ERG: variants seen among roughly 807,000 people sequenced by gnomAD.
The protein encoded by ERG is transcriptional regulator ERG.
Under a neutral mutation model 55.3 loss-of-function variants are expected in ERG, and 9 were observed. That is an observed-to-expected ratio of 0.16 (90% confidence interval 0.10 to 0.28). The LOEUF (loss-of-function observed/expected upper bound fraction) is 0.28. Among genes scored for constraint, ERG ranks in the 10% least tolerant of loss-of-function variants. The pLI, the probability that ERG is intolerant of heterozygous loss-of-function variation, is 1.00. For missense variants in ERG, 434 were observed against 631.6 expected, an observed-to-expected ratio of 0.69 and a Z score of 3.35; for synonymous variants, 223 against 237.3, an observed-to-expected ratio of 0.94 and a Z score of 0.55.
At chr21:38,597,690 G>T (rs115383153) in intron 1 of ERG, among the ~76,000 whole-genome samples, 1,830 of 152,186 alleles carry the variant, frequency 0.012, 32 homozygotes, top group African/African-American at 0.041. Flanking sequence ...GACAGCTGAG[G>T]CATCTTCCAA....
intron 1 of ERG, among the ~76,000 whole-genome samples, chr21:38,657,602 C>T (rs1373240296): frequency 6.6e-6 from 1 of 152,084 alleles, no homozygotes; most frequent in Non-Finnish European, 1.5e-5. Flanking sequence ...AAAGATGCCC[C>T]TTTTAACTTT....
At chr21:38,647,478 C>A (rs994927194) in intron 1 of ERG, among the ~76,000 whole-genome samples, 4 of 151,816 alleles carry the variant, frequency 2.6e-5, no homozygotes, top group African/African-American at 9.7e-5. Flanking sequence ...ATGTATAATG[C>A]AAAGTACTAA....
At chr21:38,565,123 C>T (rs1255157740) in intron 2 of ERG, among the ~76,000 whole-genome samples, 1 of 152,198 alleles carries the variant, frequency 6.6e-6, no homozygotes, top group East Asian at 1.9e-4. Context: ...GACTCTCCTA[C>T]ACTGCATATC....
chr21:38,555,948 T>C (rs1002180159), intron 2 of ERG, among the ~76,000 whole-genome samples: 3 of 152,220 alleles, frequency 2.0e-5, no homozygotes, highest in Non-Finnish European at 4.4e-5. Flanking sequence ...ATTCTACTTA[T>C]ATGATTAGAA....
chr21:38,388,844 G>C (rs1311904638), intron 9 of ERG, among the ~76,000 whole-genome samples: 1 of 152,170 alleles, frequency 6.6e-6, no homozygotes, highest in Non-Finnish European at 1.5e-5. Flanking sequence ...TCCCCGGGCT[G>C]CTGGGCCCAG....
intron 1 of ERG, among the ~76,000 whole-genome samples, chr21:38,604,948 G>C (rs998010990): frequency 1.3e-5 from 2 of 152,250 alleles, no homozygotes; most frequent in African/African-American, 4.8e-5. Context: ...TTCTTTTCTT[G>C]CTTGCTTCTT....
intron 1 of ERG, among the ~76,000 whole-genome samples, chr21:38,481,345 G>A (rs958285170): frequency 1.2e-4 from 18 of 152,148 alleles, no homozygotes; most frequent in Admixed American, 8.5e-4. Context: ...CTTTACATGC[G>A]GACGCTGTGG....
intron 5 of ERG, 87 bp downstream of exon 5, chr21:38,402,470 C>T (rs566413116): frequency 4.3e-5 from 40 of 938,204 alleles, no homozygotes; most frequent in African/African-American, 8.3e-5. Flanking sequence ...CTTCCTGGCA[C>T]GCGCTGACTG....
intron 2 of ERG, among the ~76,000 whole-genome samples, chr21:38,547,794 G>A (rs979905025): frequency 1.3e-5 from 2 of 152,076 alleles, no homozygotes; most frequent in African/African-American, 2.4e-5. Flanking sequence ...GAATCTAATA[G>A]GCCAACAATA....
intron 2 of ERG, among the ~76,000 whole-genome samples, chr21:38,538,242 T>C (rs963942368): frequency 1.3e-5 from 2 of 152,060 alleles, no homozygotes; most frequent in African/African-American, 4.8e-5. Flanking sequence ...GTTCTGGAGA[T>C]GGATGATGGT....
chr21:38,399,638 T>C (rs1988392157), intron 6 of ERG, among the ~76,000 whole-genome samples: 1 of 152,188 alleles, frequency 6.6e-6, no homozygotes, highest in Non-Finnish European at 1.5e-5. Context: ...ATGCCCTCTC[T>C]CCCTGCTCAT....
At chr21:38,422,923 A>AG (rs1989611067) in intron 3 of ERG, among the ~76,000 whole-genome samples, 1 of 152,192 alleles carries the variant, frequency 6.6e-6, no homozygotes, top group African/African-American at 2.4e-5. Context: ...TACCTCATGA[A>AG]GGACAGGATA....
chr21:38,444,734 A>C (rs1386546251), intron 2 of ERG, among the ~76,000 whole-genome samples: 1 of 147,270 alleles, frequency 6.8e-6, no homozygotes, highest in Non-Finnish European at 1.5e-5. Context: ...AGGAAAAAAA[A>C]AAAAAACAAA....
intron 1 of ERG, among the ~76,000 whole-genome samples, chr21:38,637,750 T>C (rs895342348): frequency 3.3e-5 from 5 of 152,214 alleles, no homozygotes; most frequent in Non-Finnish European, 7.3e-5. Flanking sequence ...TTGTCCTTAG[T>C]CTTGTGATCC....
chr21:38,388,591 A>T (rs1007073969), intron 9 of ERG, among the ~76,000 whole-genome samples: 1 of 152,256 alleles, frequency 6.6e-6, no homozygotes, highest in Admixed American at 6.5e-5. Context: ...AAAAGTTCAC[A>T]TGAGCACAAC....
intron 1 of ERG, among the ~76,000 whole-genome samples, chr21:38,477,263 C>T (rs565375447): frequency 3.9e-5 from 6 of 152,126 alleles, no homozygotes; most frequent in Non-Finnish European, 8.8e-5. Flanking sequence ...CTTGGCCTCC[C>T]AAAATGTTGG....
intron 1 of ERG, chr21:38,471,036 G>A (rs1159817476): frequency 6.6e-6 from 1 of 152,108 alleles, no homozygotes; most frequent in Non-Finnish European, 1.5e-5. Context: ...TATTCATTAC[G>A]GTTTAGTTCA....
At chr21:38,559,383 C>CTTTTTTTTT (rs574207119) in intron 2 of ERG, among the ~76,000 whole-genome samples, 22 of 92,060 alleles carry the variant, frequency 2.4e-4, no homozygotes, top group African/African-American at 6.7e-4. Context: ...TCCCATTTCC[C>CTTTTTTTTT]TTTTTTTTTT....
intron 2 of ERG, among the ~76,000 whole-genome samples, chr21:38,573,003 G>A (rs1313579045): frequency 6.6e-6 from 1 of 152,192 alleles, no homozygotes; most frequent in Non-Finnish European, 1.5e-5. Context: ...CAACCACTTT[G>A]CCCTAGCCAC....
Sources: allele counts gnomAD v4.1 joint callset (sites outside exome capture counted in the v4.1 genomes callset), GRCh38; gene constraint gnomAD v4.1.1; transcripts MANE v1.5; gene names NCBI Gene and HGNC (gene_info 2026-07-23, HGNC 2026-07-21).